The following C12orf56 variants were observed in gnomAD, a reference collection of about 807,000 sequenced individuals.
C12orf56 encodes the protein chromosome 12 open reading frame 56.
In C12orf56, 71 loss-of-function variants were observed where a neutral mutation model predicts 69.9. The observed-to-expected ratio is 1.02, with a 90% CI of 0.84 to 1.24. The LOEUF is 1.24. C12orf56 is among the 50% of genes most tolerant of loss of function. The probability of loss-of-function intolerance (pLI) is 0.00; values close to 1 mark genes in which losing one functional copy is unlikely to be tolerated. For missense variants in C12orf56, 732 were observed against 738.5 expected, an observed-to-expected ratio of 0.99 and a Z score of 0.10; for synonymous variants, 276 against 274.1, an observed-to-expected ratio of 1.01 and a Z score of -0.07.
chr12:64,296,654 A>G (rs1326782164), intron 6 of C12orf56, among the ~76,000 whole-genome samples: 2 of 152,250 alleles, frequency 1.3e-5, no homozygotes, highest in South Asian at 2.1e-4. Flanking sequence ...TATGTAAAAA[A>G]GACATGAATT....
At chr12:64,317,499 G>A (rs947553309) in intron 4 of C12orf56, among the ~76,000 whole-genome samples, 5 of 152,004 alleles carry the variant, frequency 3.3e-5, no homozygotes, top group African/African-American at 9.7e-5. Flanking sequence ...GGTGGCTCAC[G>A]CCTGTAATCC....
intron 1 of C12orf56, among the ~76,000 whole-genome samples, chr12:64,380,258 G>A (rs2039702846): frequency 6.6e-6 from 1 of 152,016 alleles, no homozygotes; most frequent in Non-Finnish European, 1.5e-5. Context: ...TTTTATCCAG[G>A]CTCTGCCACC....
intron 5 of C12orf56, among the ~76,000 whole-genome samples, chr12:64,311,484 CTTAGTTCTGGAGTGTCAAGAAAGATTT>C (rs2038616755): frequency 6.6e-6 from 1 of 150,736 alleles, no homozygotes; most frequent in Admixed American, 6.6e-5. Context: ...CCCCTCCTAA[CTTAGTTCTGGAGTGTCAAGAAAGATTT>C]TTAGAGAAAA....
At chr12:64,298,837 A>T (rs1410979109) in intron 6 of C12orf56, among the ~76,000 whole-genome samples, 1 of 151,910 alleles carries the variant, frequency 6.6e-6, no homozygotes, top group Non-Finnish European at 1.5e-5. Context: ...TTTGTTCTTT[A>T]TGCTTAGGAT....
chr12:64,284,769 TA>T lies in C12orf56; in HGVS notation c.1221-17del. 1 of 1,548,482 alleles carries T rather than the reference TA, an allele frequency of 6.5e-7. No individual in the cohort carries two copies. The highest frequency in any genetic ancestry group is 2.1e-5 in the Admixed American group (1 of 47,804). Reference sequence around the variant, plus strand: ...AATGCATGCCCTAGAAAATAAACGATAAAAGGCAAAGAAATGGCATGATTTC... The same window carrying T: ...AATGCATGCCCTAGAAAATAAACGATAAAGGCAAAGAAATGGCATGATTTC... On this transcript the variant is annotated splice_polypyrimidine_tract_variant and intron_variant, in intron 7 of 12. Coordinates refer to ENST00000543942, the MANE Select transcript of C12orf56 (RefSeq NM_001170633.2).
intron 5 of C12orf56, 57 bp downstream of exon 5, chr12:64,312,622 G>C (rs769020468): frequency 1.2e-5 from 15 of 1,298,150 alleles, no homozygotes; most frequent in Non-Finnish European, 1.6e-5. Context: ...AAAAAGGAGA[G>C]GCAAAGAGGA....
At chr12:64,297,746 T>C (rs1173018603) in intron 6 of C12orf56, among the ~76,000 whole-genome samples, 1 of 152,238 alleles carries the variant, frequency 6.6e-6, no homozygotes, top group Non-Finnish European at 1.5e-5. Context: ...TAGTATTCCA[T>C]GGTGTATATG....
chr12:64,325,959 C>CTA (rs1218776098), intron 3 of C12orf56, among the ~76,000 whole-genome samples: 1 of 152,132 alleles, frequency 6.6e-6, no homozygotes, highest in Non-Finnish European at 1.5e-5. Context: ...AAATCCTCTT[C>CTA]TATATATATG....
At chr12:64,374,552 C>CT (rs1031145753) in intron 1 of C12orf56, among the ~76,000 whole-genome samples, 5 of 145,944 alleles carry the variant, frequency 3.4e-5, no homozygotes, top group Non-Finnish European at 6.1e-5. Flanking sequence ...TTTTTTTTTT[C>CT]TTTTTTTTTC....
In C12orf56 at chr12:64,270,695, A is replaced by G. The variant is rs1227487508; in HGVS notation, c.1604T>C (p.Ile535Thr). The G allele has an allele frequency of 1.2e-6, 2 of 1,608,852 alleles. No homozygotes were observed. The highest frequency in any genetic ancestry group is 1.1e-5 in the South Asian group (1 of 89,858). The change falls in exon 12 of 13, where the codon ATT becomes ACT. Residue 535 changes from isoleucine (I) to threonine (T), a missense_variant. Coordinates refer to ENST00000543942, the MANE Select transcript of C12orf56 (RefSeq NM_001170633.2). The part of the protein sequence containing the change: ...CPPIITFVAS[I>T]VKQVVRGLSA... ...AAGACCCCTCACCACTTGTTTCACA[A>G]TACTGGCCACAAAAGTAATCTAGAC...
Position 64,265,590 on chromosome 12 carries a change from AGG to A in C12orf56, c.*1591_*1592del, listed in dbSNP as rs1219215476. ...AGGAAGAAACAGATGTGGCCTGGAA[AGG>A]GGGCCTGACTTGCTTGAAGTCAAAT... On this transcript the variant is annotated 3_prime_UTR_variant, in exon 13 of 13. Transcript: ENST00000543942. 6.6e-6 allele frequency: 1 copy of A among 152,260 alleles called. No homozygotes were observed. The highest frequency in any genetic ancestry group is 1.5e-5 in the Non-Finnish European group (1 of 68,066). 9.4% of individuals were successfully genotyped at this position (152,260 alleles called of 1,614,324 possible).
At chr12:64,331,814 A>T (rs993464102) in intron 2 of C12orf56, among the ~76,000 whole-genome samples, 1 of 152,126 alleles carries the variant, frequency 6.6e-6, no homozygotes, top group Non-Finnish European at 1.5e-5. Flanking sequence ...TAAATTACCT[A>T]GTCTAAGGTA....
intron 1 of C12orf56, among the ~76,000 whole-genome samples, chr12:64,390,113 C>T (rs1372940834): frequency 1.3e-5 from 2 of 152,108 alleles, no homozygotes; most frequent in African/African-American, 4.8e-5. Flanking sequence ...CAGGCAGACA[C>T]GAGGAGAATG....
chr12:64,380,117 AAAAAAAAAAAAAAAAAAC>A (rs2039696512), intron 1 of C12orf56, among the ~76,000 whole-genome samples: 3 of 80,648 alleles, frequency 3.7e-5, no homozygotes, highest in African/African-American at 1.1e-4. Flanking sequence ...AAAAAAAAAA[AAAAAAAAAAAAAAAAAAC>A]AAAACAAACA....
At chr12:64,353,951 G>A (rs557960963) in intron 1 of C12orf56, among the ~76,000 whole-genome samples, 1 of 152,298 alleles carries the variant, frequency 6.6e-6, no homozygotes, top group South Asian at 2.1e-4. Flanking sequence ...AAAGTGCTGG[G>A]ATTATAGGCG....
In C12orf56 at chr12:64,289,089, G is replaced by A. The variant is rs1308859043; in HGVS notation, c.1114-3029C>T. 5.2e-5 allele frequency among the ~76,000 whole-genome samples: 7 copies of A among 134,648 alleles called. No homozygotes were observed. In the South Asian group the frequency reaches 7.9e-4, roughly 15 times the overall value. The allele number at this position is 134,648 out of a possible 152,430, so 88.3% of individuals were successfully genotyped here. On this transcript the variant is annotated intron_variant, in intron 6 of 12. Transcript: ENST00000543942. ...ACATCCCTTGTAAGTTGGATTCCTAGGTATTTTATTCTCTTTGCAGCAATT... is the reference window on the plus strand; with the variant it reads ...ACATCCCTTGTAAGTTGGATTCCTAAGTATTTTATTCTCTTTGCAGCAATT...
intron 1 of C12orf56, among the ~76,000 whole-genome samples, chr12:64,355,354 C>T (rs115108325): frequency 8.4e-4 from 127 of 151,984 alleles, no homozygotes; most frequent in African/African-American, 3.0e-3. Flanking sequence ...TAATTCAAAC[C>T]AGTTAATGAA....
intron 5 of C12orf56, among the ~76,000 whole-genome samples, chr12:64,310,084 C>T (rs1182292199): frequency 1.3e-5 from 2 of 151,446 alleles, no homozygotes; most frequent in Non-Finnish European, 2.9e-5. Flanking sequence ...GCGGTGCAAT[C>T]GCAGCTTATT....
chr12:64,353,080 C>G, intron 1 of C12orf56, 24 bp from the exon 2 acceptor site: 1 of 1,605,834 alleles, frequency 6.2e-7, no homozygotes, highest in Non-Finnish European at 8.5e-7. Flanking sequence ...TAATTCACCT[C>G]ATTGAAGACA....
Sources: allele counts gnomAD v4.1 joint callset (sites outside exome capture counted in the v4.1 genomes callset), GRCh38; gene constraint gnomAD v4.1.1; transcripts MANE v1.5; gene names NCBI Gene and HGNC (gene_info 2026-07-23, HGNC 2026-07-21).